The following ASB3 variants were observed in gnomAD, a reference collection of about 807,000 sequenced individuals.
ASB3 encodes the protein ankyrin repeat and SOCS box protein 3.
In ASB3, 41 loss-of-function variants were observed where a neutral mutation model predicts 54.5. The ratio of observed to expected loss-of-function variants is 0.75; its 90% CI spans 0.59 to 0.98. ASB3 has a LOEUF of 0.98. ASB3 is among the 50% of genes least tolerant of loss of function. ASB3 has a pLI of 0.00. For synonymous variants in ASB3, 266 were observed against 221.2 expected (o/e 1.20, Z -1.80); for missense variants, 733 against 620.0 (o/e 1.18, Z -1.94).
intron 1 of ASB3, among the ~76,000 whole-genome samples, chr2:53,771,347 T>C (rs2104145938): frequency 6.6e-6 from 1 of 152,240 alleles, no homozygotes; most frequent in Admixed American, 6.5e-5. Context: ...AACCCGTCTC[T>C]ACTAAAAATA....
intron 5 of ASB3, among the ~76,000 whole-genome samples, chr2:53,723,456 A>G (rs1670821062): frequency 6.6e-6 from 1 of 151,992 alleles, no homozygotes; most frequent in African/African-American, 2.4e-5. Flanking sequence ...ACTGCACCCA[A>G]TTTGTGATCT....
intron 9 of ASB3, among the ~76,000 whole-genome samples, chr2:53,692,305 C>T (rs1668958840): frequency 6.6e-6 from 1 of 152,062 alleles, no homozygotes; most frequent in Non-Finnish European, 1.5e-5. Context: ...GGAAAAATAA[C>T]AAGTTCAATT....
intron 3 of ASB3, among the ~76,000 whole-genome samples, chr2:53,744,458 TA>T (rs1256576358): frequency 6.6e-6 from 1 of 151,812 alleles, no homozygotes; most frequent in African/African-American, 2.4e-5. Context: ...ACCATAAAAC[TA>T]AAAAAACAAA....
intron 2 of ASB3, among the ~76,000 whole-genome samples, chr2:53,759,389 G>A (rs1673013918): frequency 6.6e-6 from 1 of 152,206 alleles, no homozygotes; most frequent in African/African-American, 2.4e-5. Flanking sequence ...ATACCTCTCT[G>A]TCGCATGACT....
At chr2:53,722,507 C>A (rs1348353938) in intron 5 of ASB3, among the ~76,000 whole-genome samples, 1 of 152,110 alleles carries the variant, frequency 6.6e-6, no homozygotes, top group Admixed American at 6.6e-5. Flanking sequence ...TGTTGAGAAA[C>A]AAGGTTGGTT....
At chr2:53,716,928 C>T (rs1670429677) in intron 5 of ASB3, among the ~76,000 whole-genome samples, 185 bp from the exon 6 acceptor site, 1 of 152,120 alleles carries the variant, frequency 6.6e-6, no homozygotes, top group Admixed American at 6.6e-5. Context: ...TTTAAATTGT[C>T]TTCGCTAAAC....
chr2:53,689,834 T>C (rs1668815164), intron 9 of ASB3, among the ~76,000 whole-genome samples: 1 of 151,892 alleles, frequency 6.6e-6, no homozygotes, highest in Admixed American at 6.6e-5. Context: ...AGATCAACTG[T>C]TACTTAAACA....
intron 7 of ASB3, among the ~76,000 whole-genome samples, chr2:53,713,698 A>T (rs969219619): frequency 6.6e-6 from 1 of 152,188 alleles, no homozygotes; most frequent in African/African-American, 2.4e-5. Flanking sequence ...GAACTGCTTG[A>T]GCCCAGGAGT....
chr2:53,716,376 T>C (rs1670391438), intron 6 of ASB3, among the ~76,000 whole-genome samples, 190 bp downstream of exon 6: 1 of 151,408 alleles, frequency 6.6e-6, no homozygotes, highest in African/African-American at 2.4e-5. Flanking sequence ...CCTCACAATA[T>C]GAAAGTGCAG....
chr2:53,692,567 G>T (rs1490941265), intron 9 of ASB3, among the ~76,000 whole-genome samples: 1 of 152,098 alleles, frequency 6.6e-6, no homozygotes, highest in African/African-American at 2.4e-5. Context: ...AGCCCTTGAT[G>T]GATTTAGTCT....
chr2:53,720,455 A>G (rs900197021), intron 5 of ASB3, among the ~76,000 whole-genome samples: 3 of 152,218 alleles, frequency 2.0e-5, no homozygotes, highest in Admixed American at 2.0e-4. Flanking sequence ...CTATTCAAGA[A>G]AAAATTATAT....
chr2:53,764,342 G>C (rs921427390), intron 2 of ASB3, among the ~76,000 whole-genome samples: 4 of 152,164 alleles, frequency 2.6e-5, no homozygotes, highest in Non-Finnish European at 5.9e-5. Context: ...GAAAAAAAAG[G>C]GCTTTAGAGT....
In ASB3 at chr2:53,691,451, A is replaced by T. The variant is rs898831928; in HGVS notation, c.1369+2433T>A. On this transcript the variant is annotated intron_variant, in intron 9 of 9. Coordinates refer to ENST00000263634, the MANE Select transcript of ASB3 (RefSeq NM_016115.5). Reference sequence around the variant, plus strand: ...GCAAGAAGTATCTTTTCAAAAAAAAATTTTTAAATATATTGATAAGGCAGC... The same window carrying T: ...GCAAGAAGTATCTTTTCAAAAAAAATTTTTTAAATATATTGATAAGGCAGC... 7.9e-5 allele frequency among the ~76,000 whole-genome samples: 12 copies of T among 152,290 alleles called. 1 individual carries two copies. The highest frequency in any genetic ancestry group is 2.1e-4 in the South Asian group (1 of 4,822).
chr2:53,772,019 C>T (rs994948036), intron 1 of ASB3: 1 of 833,912 alleles, frequency 1.2e-6, no homozygotes, highest in Non-Finnish European at 1.9e-6. Flanking sequence ...ATTTGATTAA[C>T]AATCATCACA....
chr2:53,750,011 T>C (rs1205994920), intron 3 of ASB3, among the ~76,000 whole-genome samples: 2 of 152,086 alleles, frequency 1.3e-5, no homozygotes, highest in Non-Finnish European at 2.9e-5. Flanking sequence ...CTCAGACCAA[T>C]AACAAAGACT....
intron 3 of ASB3, chr2:53,748,304 G>A (rs539373709): frequency 2.6e-5 from 4 of 152,226 alleles, no homozygotes; most frequent in East Asian, 1.9e-4. Flanking sequence ...CCACGTAGAC[G>A]ATTTCTTGAG....
At chr2:53,714,272 C>A in intron 7 of ASB3, 112 bp downstream of exon 7, 1 of 1,326,150 alleles carries the variant, frequency 7.5e-7, no homozygotes, top group South Asian at 1.5e-5. Context: ...TCCAAGATAG[C>A]AATTTAGCAC....
intron 1 of ASB3, among the ~76,000 whole-genome samples, chr2:53,773,523 C>T (rs1040696850): frequency 6.6e-6 from 1 of 152,012 alleles, no homozygotes; most frequent in Non-Finnish European, 1.5e-5. Flanking sequence ...CTCTGCCACC[C>T]GGGTTCAAGC....
intron 7 of ASB3, among the ~76,000 whole-genome samples, chr2:53,705,881 C>A (rs1331893225): frequency 1.3e-5 from 2 of 152,052 alleles, no homozygotes; most frequent in African/African-American, 4.8e-5. Flanking sequence ...CAGAGAGGGA[C>A]AGTATGAAAA....
Sources: allele counts gnomAD v4.1 joint callset (sites outside exome capture counted in the v4.1 genomes callset), GRCh38; gene constraint gnomAD v4.1.1; transcripts MANE v1.5; gene names NCBI Gene and HGNC (gene_info 2026-07-23, HGNC 2026-07-21).